The following SLC17A4 variants were observed in gnomAD, a reference collection of about 807,000 sequenced individuals.
SLC17A4 encodes the protein solute carrier family 17 member 4.
SLC17A4 carries 33 observed loss-of-function variants against 52.5 expected under a neutral mutation model. The observed-to-expected ratio is 0.63, with a 90% CI of 0.48 to 0.84. The LOEUF (loss-of-function observed/expected upper bound fraction) is 0.84. SLC17A4 is among the 40% of genes least tolerant of loss of function. The pLI is 0.00. For synonymous variants in SLC17A4, 225 were observed against 216.2 expected (o/e 1.04, Z -0.36); for missense variants, 585 against 597.1 (o/e 0.98, Z 0.21).
At chr6:25,759,035 A>C (rs936429194) in intron 1 of SLC17A4, among the ~76,000 whole-genome samples, 1 of 152,144 alleles carries the variant, frequency 6.6e-6, no homozygotes, top group East Asian at 1.9e-4. Flanking sequence ...TTTAATTTTC[A>C]TCTTGATTTC....
At chr6:25,777,891 C>A in intron 10 of SLC17A4, 35 bp from the exon 11 acceptor site, 1 of 1,559,150 alleles carries the variant, frequency 6.4e-7, no homozygotes, top group Non-Finnish European at 8.8e-7. Context: ...CGTAGGTATA[C>A]TTGGTTATAA....
intron 8 of SLC17A4, among the ~76,000 whole-genome samples, chr6:25,775,351 T>C (rs1270251809): frequency 6.6e-6 from 1 of 150,422 alleles, no homozygotes; most frequent in Non-Finnish European, 1.5e-5. Flanking sequence ...ATAGAAAGAC[T>C]GAAAAATCTT....
intron 6 of SLC17A4, 42 bp from the exon 7 acceptor site, chr6:25,773,233 T>A (rs1383138185): frequency 6.9e-7 from 1 of 1,456,818 alleles, no homozygotes; most frequent in African/African-American, 1.4e-5. Context: ...CTGAAAGAAG[T>A]ACTTCAATCC....
intron 11 of SLC17A4, 83 bp downstream of exon 11, chr6:25,778,099 T>A: frequency 1.0e-6 from 1 of 970,006 alleles, no homozygotes; most frequent in Non-Finnish European, 1.6e-6. Flanking sequence ...CCTTGTATCC[T>A]AGAAGATGCT....
At chr6:25,758,905 T>C (rs757049721) in intron 1 of SLC17A4, among the ~76,000 whole-genome samples, 4 of 152,210 alleles carry the variant, frequency 2.6e-5, no homozygotes, top group Non-Finnish European at 4.4e-5. Flanking sequence ...CTATTTGTGC[T>C]CTTTCAGACT....
intron 6 of SLC17A4, among the ~76,000 whole-genome samples, chr6:25,771,734 T>A (rs1327105876): frequency 6.6e-6 from 1 of 152,214 alleles, no homozygotes; most frequent in Non-Finnish European, 1.5e-5. Flanking sequence ...TGTGTGACTG[T>A]GACCTAATCA....
intron 11 of SLC17A4, 92 bp downstream of exon 11, chr6:25,778,108 C>T: frequency 1.2e-6 from 1 of 854,616 alleles, no homozygotes; most frequent in Non-Finnish European, 1.8e-6. Flanking sequence ...CTAGAAGATG[C>T]TTTTAAAGTA....
chr6:25,756,006 C>T (rs1760981967), intron 1 of SLC17A4, among the ~76,000 whole-genome samples: 1 of 152,174 alleles, frequency 6.6e-6, no homozygotes, highest in Non-Finnish European at 1.5e-5. Context: ...TTCACCACAA[C>T]TAGCCTAGCC....
At chr6:25,755,048 TACAC>T (rs35878702) in intron 1 of SLC17A4, among the ~76,000 whole-genome samples, 43,585 of 144,892 alleles carry the variant, frequency 0.3, 6,794 homozygotes, top group Middle Eastern at 0.39. Context: ...CACACACACA[TACAC>T]ACACACACAC....
intron 10 of SLC17A4, 119 bp downstream of exon 10, chr6:25,777,078 C>A: frequency 2.8e-6 from 3 of 1,069,654 alleles, no homozygotes; most frequent in Non-Finnish European, 4.0e-6. Context: ...AATGTCAGCA[C>A]CAGCTCTACA....
chr6:25,776,265 G>A (rs1762907579), intron 8 of SLC17A4, among the ~76,000 whole-genome samples: 1 of 152,002 alleles, frequency 6.6e-6, no homozygotes, highest in Admixed American at 6.6e-5. Flanking sequence ...ATGTTTAGGA[G>A]CCACTTATTT....
At chr6:25,764,827 G>A (rs1761870615) in intron 2 of SLC17A4, among the ~76,000 whole-genome samples, 1 of 152,210 alleles carries the variant, frequency 6.6e-6, no homozygotes, top group Non-Finnish European at 1.5e-5. Flanking sequence ...TTAGCATCAG[G>A]GGCCAGTGCT....
intron 11 of SLC17A4, 135 bp downstream of exon 11, chr6:25,778,151 A>C: frequency 4.9e-6 from 3 of 607,650 alleles, no homozygotes; most frequent in Non-Finnish European, 8.5e-6. Context: ...TGATGACTTA[A>C]GAATTAAAGA....
chr6:25,767,013 A>G (rs115742458), intron 2 of SLC17A4, among the ~76,000 whole-genome samples: 37 of 152,274 alleles, frequency 2.4e-4, no homozygotes, highest in African/African-American at 8.9e-4. Context: ...ATTGCAACAA[A>G]TGCACCATAA....
At chr6:25,772,041 A>G (rs929778583) in intron 6 of SLC17A4, among the ~76,000 whole-genome samples, 1 of 152,216 alleles carries the variant, frequency 6.6e-6, no homozygotes, top group African/African-American at 2.4e-5. Flanking sequence ...TAGTGTGTTC[A>G]TTAGAGGACA....
chr6:25,755,328 A>G (rs1272903457), intron 1 of SLC17A4, among the ~76,000 whole-genome samples: 1 of 152,172 alleles, frequency 6.6e-6, no homozygotes, highest in African/African-American at 2.4e-5. Context: ...GGCTTTGGGA[A>G]GTAGTTAATG....
chr6:25,761,909 G>A lies in SLC17A4; in HGVS notation c.-36-18G>A. The stretch of plus-strand genomic sequence containing the variant: ...TAAGATTCTCCCTGTATTTTCTTTT[G>A]TATTCTTTTTATTTCAGTAAGTAAA... On this transcript the variant is annotated intron_variant, in intron 1 of 11. Transcript: ENST00000377905. 5.6e-6 allele frequency: 8 copies of A among 1,432,044 alleles called. No homozygotes were observed. The highest frequency in any genetic ancestry group is 7.8e-6 in the Non-Finnish European group (8 of 1,024,008). 88.7% of individuals were successfully genotyped at this position (1,432,044 alleles called of 1,614,324 possible). A position where few individuals can be genotyped will look rare whatever the true frequency, so the allele number is the denominator to read the frequency against.
At chr6:25,771,463 A>C (rs1438226558) in intron 6 of SLC17A4, among the ~76,000 whole-genome samples, 5 of 151,644 alleles carry the variant, frequency 3.3e-5, no homozygotes, top group Admixed American at 3.3e-4. Context: ...AATCCCAGCT[A>C]CTCGGGAGGC....
chr6:25,777,120 C>T (rs1762989790), intron 10 of SLC17A4, 161 bp downstream of exon 10: 2 of 798,646 alleles, frequency 2.5e-6, no homozygotes, highest in Non-Finnish European at 3.8e-6. Context: ...GGAAGAGACT[C>T]AAAGCTGGTG....
Sources: gnomAD v4.1 joint callset for allele counts (sites outside exome capture counted in the v4.1 genomes callset) on GRCh38, gnomAD v4.1.1 for gene constraint, MANE v1.5 for transcripts, NCBI Gene and HGNC (gene_info 2026-07-23, HGNC 2026-07-21) for gene names.